The following SASH1 variants were observed in gnomAD, a reference collection of about 807,000 sequenced individuals.
The protein encoded by SASH1 is SAM and SH3 domain-containing protein 1.
In SASH1, 44 loss-of-function variants were observed where a neutral mutation model predicts 125.2. That is an observed-to-expected ratio of 0.35 (90% CI 0.28 to 0.45). The LOEUF (loss-of-function observed/expected upper bound fraction) is 0.45. Ranked by LOEUF, SASH1 falls within the 20% of genes least tolerant of loss-of-function variation. The pLI is 1.00. For missense variants in SASH1, 1,426 were observed against 1,614.5 expected, an observed-to-expected ratio of 0.88 and a Z score of 2.00; for synonymous variants, 639 against 649.1, an observed-to-expected ratio of 0.98 and a Z score of 0.24.
intron 2 of SASH1, among the ~76,000 whole-genome samples, chr6:148,405,950 C>A (rs1208930706): frequency 6.6e-6 from 1 of 152,190 alleles, no homozygotes; most frequent in Admixed American, 6.5e-5. Context: ...ACAGTGTAAT[C>A]TTTGGACTCC....
intron 2 of SASH1, among the ~76,000 whole-genome samples, chr6:148,392,252 C>T (rs1002301354): frequency 6.7e-6 from 1 of 149,224 alleles, no homozygotes; most frequent in Non-Finnish European, 1.5e-5. Flanking sequence ...CGCCATTGCA[C>T]TCCAGCCTGG....
chr6:148,316,713 G>C (rs1277590640), intron 1 of SASH1, among the ~76,000 whole-genome samples: 1 of 152,092 alleles, frequency 6.6e-6, no homozygotes, highest in African/African-American at 2.4e-5. Flanking sequence ...ATGTTTTGCT[G>C]TTTTTTCTTC....
chr6:148,351,998 C>A (rs550203341), intron 1 of SASH1, among the ~76,000 whole-genome samples: 91 of 151,914 alleles, frequency 6.0e-4, no homozygotes, highest in Non-Finnish European at 1.2e-3. Context: ...TTTGGAAATG[C>A]CCAGTCTTTT....
chr6:148,286,764 G>A (rs575448934), intron 1 of SASH1, among the ~76,000 whole-genome samples: 14 of 152,158 alleles, frequency 9.2e-5, no homozygotes, highest in East Asian at 7.7e-4. Flanking sequence ...CTCCAATTAC[G>A]GTCATATTCT....
chr6:148,372,060 A>G (rs1782725693), intron 1 of SASH1, among the ~76,000 whole-genome samples: 1 of 152,154 alleles, frequency 6.6e-6, no homozygotes, highest in Non-Finnish European at 1.5e-5. Flanking sequence ...GGATAATGCA[A>G]ACACTTATTT....
chr6:148,399,516 T>G (rs1376985142), intron 2 of SASH1, among the ~76,000 whole-genome samples: 1 of 152,130 alleles, frequency 6.6e-6, no homozygotes, highest in Non-Finnish European at 1.5e-5. Flanking sequence ...TTTCAGCTTC[T>G]TTTTCTCTTG....
rs554419872 is a variant in SASH1, at chr6:148,468,128, C to T, written c.387-417C>T. 2.0e-4 allele frequency among the ~76,000 whole-genome samples: 30 copies of T among 152,304 alleles called. No individual in the cohort carries two copies. The South Asian group carries it at 5.6e-3, about 28-fold the overall frequency. ...CCCCCTTTGTTTTCCTAGAGCCGAC[C>T]ACTGTACTCATCTGTGGGCCCAAGT... On this transcript the variant is annotated intron_variant, in intron 4 of 19. Coordinates refer to ENST00000367467, the MANE Select transcript of SASH1 (RefSeq NM_015278.5).
intron 4 of SASH1, among the ~76,000 whole-genome samples, chr6:148,464,146 AT>A (rs1163104255): frequency 3.9e-5 from 6 of 152,262 alleles, no homozygotes; most frequent in African/African-American, 1.2e-4. Context: ...AAATTCCTTA[AT>A]GTAGGAATTT....
intron 2 of SASH1, among the ~76,000 whole-genome samples, chr6:148,408,006 G>T (rs983794328): frequency 1.3e-5 from 2 of 152,056 alleles, no homozygotes; most frequent in Admixed American, 6.5e-5. Context: ...GGGAACAGGG[G>T]TTCTAATTTC....
chr6:148,501,149 T>C (rs1436956008), intron 8 of SASH1, among the ~76,000 whole-genome samples: 1 of 152,150 alleles, frequency 6.6e-6, no homozygotes, highest in Non-Finnish European at 1.5e-5. Context: ...GTCTTGGTGG[T>C]CCCACCTTCC....
chr6:148,378,135 TC>T (rs138253805), intron 1 of SASH1, among the ~76,000 whole-genome samples: 13,719 of 150,726 alleles, frequency 0.091, 846 homozygotes, highest in South Asian at 0.2. Context: ...CACTGCAACC[TC>T]AGCCTACCAG....
chr6:148,494,555 A>C (rs1343536800), intron 8 of SASH1, among the ~76,000 whole-genome samples: 1 of 152,046 alleles, frequency 6.6e-6, no homozygotes, highest in Non-Finnish European at 1.5e-5. Flanking sequence ...TGAACCCGGG[A>C]GGTAGAGGTT....
At chr6:148,313,771 T>TA (rs1780401122) in intron 1 of SASH1, among the ~76,000 whole-genome samples, 1 of 152,172 alleles carries the variant, frequency 6.6e-6, no homozygotes, top group Non-Finnish European at 1.5e-5. Flanking sequence ...TAGATACTGC[T>TA]ACCTGCTCCT....
In SASH1 at chr6:148,474,331, T is replaced by TA. The variant is rs1778248917; in HGVS notation, c.627+113dup. On this transcript the variant is annotated intron_variant, in intron 7 of 19. Coordinates refer to ENST00000367467, the MANE Select transcript of SASH1 (RefSeq NM_015278.5). ...GGAATCAGGTACCCATGTTGTCAGA[T>TA]AAAATATTTATTCTGTTTACTTGAT... The TA allele has an allele frequency of 5.4e-5, 34 of 630,512 alleles. No individual in the cohort carries two copies. The South Asian group carries it at 6.5e-4, about 12-fold the overall frequency. The allele number at this position is 630,512 out of a possible 1,614,324, so 39.1% of individuals were successfully genotyped here. A position where few individuals can be genotyped will look rare whatever the true frequency, so the allele number is the denominator to read the frequency against.
intron 4 of SASH1, among the ~76,000 whole-genome samples, chr6:148,462,747 A>C (rs1777675994): frequency 6.6e-6 from 1 of 152,140 alleles, no homozygotes; most frequent in Non-Finnish European, 1.5e-5. Flanking sequence ...CTATCCCTTA[A>C]ATAATAGAAA....
the SASH1 span, among the ~76,000 whole-genome samples, chr6:148,199,751 A>G: frequency 2.0e-5 from 3 of 151,574 alleles, no homozygotes; most frequent in African/African-American, 7.3e-5. Context: ...AGGAGAAAGA[A>G]AGAGAGAAAA....
rs912010317 is a variant in SASH1, at chr6:148,512,582, A to C, written c.730-1742A>C. On this transcript the variant is annotated intron_variant, in intron 8 of 19. Coordinates refer to ENST00000367467, the MANE Select transcript of SASH1 (RefSeq NM_015278.5). ...TCCAACCAAGTAGAAATGAAACTCA[A>C]ACCAGACAAAACCATTTTGTATTAT... is the stretch of plus-strand genomic sequence containing the variant. 4.1e-6 allele frequency: 4 copies of C among 985,006 alleles called. No individual in the cohort carries two copies. The African/African-American group carries it at 7.0e-5, about 17-fold the overall frequency. The allele number at this position is 985,006 out of a possible 1,614,324, so 61.0% of individuals were successfully genotyped here. A position where few individuals can be genotyped will look rare whatever the true frequency, so the allele number is the denominator to read the frequency against.
chr6:148,403,543 T>C (rs562791846), intron 2 of SASH1, among the ~76,000 whole-genome samples: 2 of 152,338 alleles, frequency 1.3e-5, no homozygotes, highest in Non-Finnish European at 2.9e-5. Context: ...TTTTGTTTTG[T>C]TTTGAGACAA....
chr6:148,513,753 G>A (rs1168264540), intron 8 of SASH1: 4 of 985,816 alleles, frequency 4.1e-6, no homozygotes, highest in East Asian at 1.1e-4. Flanking sequence ...AGAAGGAGCC[G>A]GGAGAGGCGG....
Sources: gnomAD v4.1 joint callset for allele counts (sites outside exome capture counted in the v4.1 genomes callset) on GRCh38, gnomAD v4.1.1 for gene constraint, MANE v1.5 for transcripts, NCBI Gene and HGNC (gene_info 2026-07-23, HGNC 2026-07-21) for gene names.